CSRP3: variants seen among roughly 807,000 people sequenced by gnomAD.
CSRP3 encodes cysteine and glycine rich protein 3.
Under a neutral mutation model 24.3 loss-of-function variants are expected in CSRP3, and 24 were observed. The observed-to-expected ratio is 0.99, with a 90% CI of 0.71 to 1.39. The LOEUF (loss-of-function observed/expected upper bound fraction) is 1.39. Among genes scored for constraint, CSRP3 ranks in the 40% most tolerant of loss-of-function variants. The probability of loss-of-function intolerance (pLI) is 0.00; values close to 1 mark genes in which losing one functional copy is unlikely to be tolerated. For synonymous variants in CSRP3, 105 were observed against 94.0 expected (o/e 1.12, Z -0.68); for missense variants, 240 against 249.0 (o/e 0.96, Z 0.24).
chr11:19,191,361 C>T (rs1374903349), intron 2 of CSRP3, among the ~76,000 whole-genome samples: 3 of 152,148 alleles, frequency 2.0e-5, no homozygotes, highest in African/African-American at 7.2e-5. Flanking sequence ...TTGCAGCTAC[C>T]GGGCTGAAGC....
intron 5 of CSRP3, among the ~76,000 whole-genome samples, chr11:19,184,160 T>G (rs1183224452): frequency 6.6e-6 from 1 of 152,234 alleles, no homozygotes. Context: ...GTCTTCTCTC[T>G]TAACTCCCTT....
intron 3 of CSRP3, among the ~76,000 whole-genome samples, chr11:19,187,533 C>A (rs949150122): frequency 1.3e-5 from 2 of 152,192 alleles, no homozygotes; most frequent in Non-Finnish European, 2.9e-5. Flanking sequence ...ACCCAGGGGA[C>A]CAGACTGGTG....
Position 19,186,727 on chromosome 11 carries a change from C to G in CSRP3, c.282-379G>C, listed in dbSNP as rs539411719. 1.0e-3 allele frequency among the ~76,000 whole-genome samples: 157 copies of G among 152,336 alleles called. 1 individual carries two copies. The highest frequency in any genetic ancestry group is 2.0e-3 in the Non-Finnish European group (138 of 68,026). ...TTCTGGACCATTTGCAAGGCCACTTCTTTCCTTTCTAAAGAGAGTTGTGAA... is the reference window on the plus strand; with the variant it reads ...TTCTGGACCATTTGCAAGGCCACTTGTTTCCTTTCTAAAGAGAGTTGTGAA... On this transcript the variant is annotated intron_variant, in intron 3 of 5. Coordinates refer to ENST00000265968, the MANE Select transcript of CSRP3 (RefSeq NM_003476.5).
intron 5 of CSRP3, among the ~76,000 whole-genome samples, chr11:19,183,585 CT>C (rs1173674778): frequency 8.6e-5 from 13 of 151,640 alleles, no homozygotes; most frequent in African/African-American, 1.5e-4. Flanking sequence ...CTACTATAGA[CT>C]TTTTTTTTCA....
At chr11:19,190,093 T>G (rs931832600) in intron 2 of CSRP3, among the ~76,000 whole-genome samples, 1 of 152,196 alleles carries the variant, frequency 6.6e-6, no homozygotes, top group African/African-American at 2.4e-5. Context: ...ATTGAGTACA[T>G]GAATGAATGA....
chr11:19,189,320 G>A (rs1032673436), intron 2 of CSRP3, among the ~76,000 whole-genome samples: 2 of 152,090 alleles, frequency 1.3e-5, no homozygotes, highest in Non-Finnish European at 2.9e-5. Context: ...TCAACAAGAA[G>A]GACCTATTAG....
At chr11:19,196,258 T>C (rs1850701394) in intron 1 of CSRP3, among the ~76,000 whole-genome samples, 2 of 152,116 alleles carry the variant, frequency 1.3e-5, no homozygotes, top group Non-Finnish European at 1.5e-5. Flanking sequence ...TGAGACTCCA[T>C]CTGAAAAAAT....
Position 19,182,616 on chromosome 11 carries a change from A to T in CSRP3, c.*54T>A. The stretch of plus-strand genomic sequence containing the variant: ...GGGGAAAGGTATCGATCTGTGCAGG[A>T]TTACTTGGCAAGTGTTTTAGGCTCG... On this transcript the variant is annotated 3_prime_UTR_variant, in exon 6 of 6. Transcript: ENST00000265968. The T allele has an allele frequency of 7.2e-7, 1 of 1,384,100 alleles. No homozygotes were observed. The highest frequency in any genetic ancestry group is 1.2e-5 in the South Asian group (1 of 86,558). 85.7% of individuals were successfully genotyped at this position (1,384,100 alleles called of 1,614,324 possible).
intron 1 of CSRP3, among the ~76,000 whole-genome samples, chr11:19,199,912 T>C (rs1435680514): frequency 6.6e-6 from 1 of 152,262 alleles, no homozygotes; most frequent in African/African-American, 2.4e-5. Flanking sequence ...TTCACAGATA[T>C]CTGAACAGCA....
intron 1 of CSRP3, among the ~76,000 whole-genome samples, chr11:19,196,416 T>C (rs1226519832): frequency 6.6e-6 from 1 of 152,166 alleles, no homozygotes; most frequent in African/African-American, 2.4e-5. Flanking sequence ...TTTAAAGCAG[T>C]ATTGAGAAAT....
intron 1 of CSRP3, among the ~76,000 whole-genome samples, chr11:19,201,096 C>G (rs1380212813): frequency 6.6e-6 from 1 of 152,190 alleles, no homozygotes; most frequent in African/African-American, 2.4e-5. Context: ...TTGCTTAAAA[C>G]CTCTTCTTAT....
chr11:19,186,440 T>G, intron 3 of CSRP3, 92 bp from the exon 4 acceptor site: 1 of 1,472,334 alleles, frequency 6.8e-7, no homozygotes, highest in Non-Finnish European at 9.5e-7. Flanking sequence ...CTCACTTCCG[T>G]GTGTCTCAGA....
chr11:19,194,569 G>A (rs1359383475), intron 1 of CSRP3, among the ~76,000 whole-genome samples: 2 of 152,100 alleles, frequency 1.3e-5, no homozygotes, highest in African/African-American at 4.8e-5. Context: ...GTCAGTCCTA[G>A]CTACTCAGCA....
chr11:19,182,568 C>T lies in CSRP3; in HGVS notation c.*102G>A, dbSNP rs982810421. ...CTTCTGAGGAGAAACACATAATGTA[C>T]GACTACAAAGGAGAGGCTATTTGGG... is the stretch of plus-strand genomic sequence containing the variant. On this transcript the variant is annotated 3_prime_UTR_variant, in exon 6 of 6. Transcript: ENST00000265968. The T allele has an allele frequency of 5.1e-5, 50 of 976,988 alleles. No individual in the cohort carries two copies. Among genetic ancestry groups the T allele is most frequent in the African/African-American group, 2.9e-4 (18 of 62,510 alleles). 60.5% of individuals were successfully genotyped at this position (976,988 alleles called of 1,614,324 possible). A position where few individuals can be genotyped will look rare whatever the true frequency, so the allele number is the denominator to read the frequency against.
chr11:19,199,023 T>A (rs917837832), intron 1 of CSRP3, among the ~76,000 whole-genome samples: 1 of 152,266 alleles, frequency 6.6e-6, no homozygotes, highest in African/African-American at 2.4e-5. Flanking sequence ...AACAAACAAC[T>A]CACTCCCTGC....
Position 19,185,141 on chromosome 11 carries a change from C to T in CSRP3, c.415-96G>A, listed in dbSNP as rs7103903. The T allele has an allele frequency of 7.6e-3, 6,915 of 909,180 alleles. 295 individuals carry two copies. In the African/African-American group the frequency reaches 0.095, roughly 13 times the overall value. 56.3% of individuals were successfully genotyped at this position (909,180 alleles called of 1,614,324 possible). A position where few individuals can be genotyped will look rare whatever the true frequency, so the allele number is the denominator to read the frequency against. ...ACCAGCAGCATCCAGAGGAGTGACA[C>T]GTCTTAACCATTTGCTTACCTAATG... is the stretch of plus-strand genomic sequence containing the variant. On this transcript the variant is annotated intron_variant, in intron 4 of 5. Coordinates refer to ENST00000265968, the MANE Select transcript of CSRP3 (RefSeq NM_003476.5).
intron 1 of CSRP3, among the ~76,000 whole-genome samples, chr11:19,197,666 G>T (rs753740423): frequency 3.5e-4 from 53 of 150,834 alleles, no homozygotes; most frequent in Non-Finnish European, 6.8e-4. Context: ...GGAACTTTAG[G>T]CCATGACTTT....
intron 1 of CSRP3, among the ~76,000 whole-genome samples, chr11:19,193,551 G>A (rs1489799246): frequency 6.6e-6 from 1 of 152,176 alleles, no homozygotes; most frequent in Non-Finnish European, 1.5e-5. Context: ...TAGAGACGGG[G>A]TTTCACCATG....
chr11:19,201,875 T>C (rs1361504894), intron 1 of CSRP3, 79 bp downstream of exon 1: 1 of 152,228 alleles, frequency 6.6e-6, no homozygotes, highest in African/African-American at 2.4e-5. Context: ...GTGCTCTTAC[T>C]CTATGGGACC....
Sources: allele counts gnomAD v4.1 joint callset (sites outside exome capture counted in the v4.1 genomes callset), GRCh38; gene constraint gnomAD v4.1.1; transcripts MANE v1.5; gene names NCBI Gene and HGNC (gene_info 2026-07-23, HGNC 2026-07-21).